The following ERC2 variants were observed in gnomAD, a reference collection of about 807,000 sequenced individuals.
ERC2 encodes the protein ERC protein 2.
Under a neutral mutation model 114.8 loss-of-function variants are expected in ERC2, and 42 were observed. The observed-to-expected ratio is 0.37, with a 90% CI of 0.29 to 0.47. The LOEUF is 0.47. ERC2 is among the 20% of genes least tolerant of loss of function. The probability of loss-of-function intolerance (pLI) is 0.99; values close to 1 mark genes in which losing one functional copy is unlikely to be tolerated. For missense variants in ERC2, 939 were observed against 1,150.7 expected, an observed-to-expected ratio of 0.82 and a Z score of 2.66; for synonymous variants, 454 against 425.5, an observed-to-expected ratio of 1.07 and a Z score of -0.82.
intron 14 of ERC2, among the ~76,000 whole-genome samples, chr3:55,841,583 A>G (rs971229615): frequency 6.6e-6 from 1 of 152,206 alleles, no homozygotes; most frequent in South Asian, 2.1e-4. Flanking sequence ...ACCTTTTACT[A>G]GGCATTTGCT....
At chr3:56,147,033 T>G (rs1290096075) in intron 5 of ERC2, among the ~76,000 whole-genome samples, 3 of 152,174 alleles carry the variant, frequency 2.0e-5, no homozygotes, top group Admixed American at 1.3e-4. Context: ...GTTTACAAAT[T>G]TCATGACATT....
rs936072665 is a variant in ERC2 at position 56,416,664 on chromosome 3, A to T, written c.657+17687T>A. 2.3e-3 allele frequency among the ~76,000 whole-genome samples: 350 copies of T among 150,870 alleles called. 1 individual carries two copies. Among genetic ancestry groups the T allele is most frequent in the African/African-American group, 8.2e-3 (338 of 41,006 alleles). Reference sequence around the variant, plus strand: ...TGCCAACAACAAAACATGATTAAAAAAAAAAAAAAAAAAAAAACTCCTGAT... The same window carrying T: ...TGCCAACAACAAAACATGATTAAAATAAAAAAAAAAAAAAAAACTCCTGAT... On this transcript the variant is annotated intron_variant, in intron 2 of 17. Coordinates refer to ENST00000288221, the MANE Select transcript of ERC2 (RefSeq NM_015576.3).
intron 2 of ERC2, among the ~76,000 whole-genome samples, chr3:56,389,019 C>CA (rs199995362): frequency 3.4e-4 from 50 of 149,130 alleles, no homozygotes; most frequent in African/African-American, 7.6e-4. Context: ...TTAGGAGTAC[C>CA]AAAAAAAAAG....
At chr3:56,158,995 T>C (rs927165468) in intron 4 of ERC2, among the ~76,000 whole-genome samples, 3 of 152,122 alleles carry the variant, frequency 2.0e-5, no homozygotes, top group Admixed American at 6.6e-5. Flanking sequence ...GGAGGCAGTT[T>C]CTCATGAATG....
chr3:56,232,467 C>G (rs2050689936), intron 3 of ERC2, among the ~76,000 whole-genome samples: 1 of 152,136 alleles, frequency 6.6e-6, no homozygotes, highest in Non-Finnish European at 1.5e-5. Flanking sequence ...CTATAATTTT[C>G]CTTCTTTTAT....
rs558340265 is a variant in ERC2 at position 56,411,289 on chromosome 3, A to G, written c.657+23062T>C. 2.0e-5 allele frequency among the ~76,000 whole-genome samples: 3 copies of G among 151,760 alleles called. No homozygotes were observed. In the South Asian group the frequency reaches 6.3e-4, roughly 32 times the overall value. ...ATGTCGAAATATTAACGCCTCCTCC[A>G]TGAGCACATCAAAATGCTCCCTCTG... On this transcript the variant is annotated intron_variant, in intron 2 of 17. Transcript: ENST00000288221.
At chr3:55,908,962 A>G (rs1230930935) in intron 13 of ERC2, among the ~76,000 whole-genome samples, 1 of 152,182 alleles carries the variant, frequency 6.6e-6, no homozygotes, top group Non-Finnish European at 1.5e-5. Context: ...ATAATAACAC[A>G]TGCATCTTCA....
In ERC2 at chr3:55,795,126, T is replaced by A. The variant is rs575611558; in HGVS notation, c.2565-60208A>T. Among the ~76,000 whole-genome samples the A allele has an allele frequency of 5.3e-4, 81 of 152,268 alleles. 2 individuals are homozygous for A. In the Middle Eastern group the frequency reaches 0.01, roughly 19 times the overall value. ...GCTTTTTTTAAATCCTAAAAAAAAGTACATTAACGTTCTTTCAAATTATTG... is the reference window on the plus strand; with the variant it reads ...GCTTTTTTTAAATCCTAAAAAAAAGAACATTAACGTTCTTTCAAATTATTG... On this transcript the variant is annotated intron_variant, in intron 14 of 17. Coordinates refer to ENST00000288221, the MANE Select transcript of ERC2 (RefSeq NM_015576.3).
intron 17 of ERC2, among the ~76,000 whole-genome samples, chr3:55,571,481 C>A (rs1171454255): frequency 6.6e-6 from 1 of 152,162 alleles, no homozygotes; most frequent in African/African-American, 2.4e-5. Flanking sequence ...GCCCCAATCA[C>A]CCTGGGACCA....
chr3:55,957,934 G>A (rs2068075750), intron 12 of ERC2, among the ~76,000 whole-genome samples: 1 of 152,208 alleles, frequency 6.6e-6, no homozygotes, highest in Non-Finnish European at 1.5e-5. Flanking sequence ...AGCCGCAGCT[G>A]TTCTCTCCTT....
At chr3:55,711,259 C>A (rs1430145835) in intron 15 of ERC2, among the ~76,000 whole-genome samples, 1 of 152,092 alleles carries the variant, frequency 6.6e-6, no homozygotes, top group Non-Finnish European at 1.5e-5. Context: ...TAAATAACAT[C>A]TGTAAGTTTT....
At chr3:55,580,897 G>A (rs1232568482) in intron 17 of ERC2, among the ~76,000 whole-genome samples, 1 of 152,190 alleles carries the variant, frequency 6.6e-6, no homozygotes, top group African/African-American at 2.4e-5. Flanking sequence ...GGAAAGGGAT[G>A]GGGGCTATTT....
At chr3:55,607,741 T>A (rs2058707086) in intron 17 of ERC2, 1 of 151,014 alleles carries the variant, frequency 6.6e-6, no homozygotes, top group African/African-American at 2.4e-5. Flanking sequence ...GGAGATGCCA[T>A]CCTCATGGAG....
At chr3:55,570,160 C>A (rs1429359543) in intron 17 of ERC2, among the ~76,000 whole-genome samples, 1 of 152,022 alleles carries the variant, frequency 6.6e-6, no homozygotes, top group Admixed American at 6.6e-5. Flanking sequence ...ATGCCCGACC[C>A]CCCATTTCTT....
At chr3:55,915,133 A>G (rs2065019708) in intron 13 of ERC2, among the ~76,000 whole-genome samples, 1 of 152,176 alleles carries the variant, frequency 6.6e-6, no homozygotes, top group African/African-American at 2.4e-5. Context: ...TTGTCAGGAT[A>G]TTAGTAATTT....
chr3:56,052,993 A>G (rs1324878281), intron 7 of ERC2, among the ~76,000 whole-genome samples: 1 of 152,110 alleles, frequency 6.6e-6, no homozygotes, highest in Non-Finnish European at 1.5e-5. Context: ...CAAGGAAAAA[A>G]GTAGGTAAGG....
At chr3:56,026,057 CTTTT>C (rs59635680) in intron 7 of ERC2, among the ~76,000 whole-genome samples, 10,158 of 68,654 alleles carry the variant, frequency 0.15, 252 homozygotes, top group Middle Eastern at 0.16. Flanking sequence ...CCGTTTCTTT[CTTTT>C]TTTTTTTTTT....
chr3:55,698,604 A>T (rs2063059133), intron 16 of ERC2, among the ~76,000 whole-genome samples: 1 of 152,200 alleles, frequency 6.6e-6, no homozygotes, highest in African/African-American at 2.4e-5. Flanking sequence ...TGTATCAGTT[A>T]CACTAGGATC....
At chr3:56,279,020 G>C (rs2054182065) in intron 3 of ERC2, among the ~76,000 whole-genome samples, 1 of 152,266 alleles carries the variant, frequency 6.6e-6, no homozygotes, top group East Asian at 1.9e-4. Context: ...GTAATTTCCT[G>C]GTTCTAATAC....
Sources: allele counts gnomAD v4.1 joint callset (sites outside exome capture counted in the v4.1 genomes callset), GRCh38; gene constraint gnomAD v4.1.1; transcripts MANE v1.5; gene names NCBI Gene and HGNC (gene_info 2026-07-23, HGNC 2026-07-21).